The following LRGUK variants were observed in gnomAD, a reference collection of about 807,000 sequenced individuals.
LRGUK encodes the protein leucine-rich repeat and guanylate kinase domain-containing protein.
LRGUK carries 65 observed loss-of-function variants against 76.0 expected under a neutral mutation model. That is an observed-to-expected ratio of 0.85 (90% CI 0.70 to 1.05). LRGUK has a LOEUF of 1.05. Among genes scored for constraint, LRGUK ranks in the 50% least tolerant of loss-of-function variants. The probability of loss-of-function intolerance (pLI) is 0.00; values close to 1 mark genes in which losing one functional copy is unlikely to be tolerated. For synonymous variants in LRGUK, 268 were observed against 265.6 expected (o/e 1.01, Z -0.09); for missense variants, 758 against 732.8 (o/e 1.03, Z -0.40).
chr7:134,225,136 A>C lies in LRGUK; in HGVS notation c.1983+3218A>C, dbSNP rs546791652. On this transcript the variant is annotated intron_variant, in intron 16 of 19. Transcript: ENST00000285928. ...GGGGAACAGAACTGGAAAAAAAAAA[A>C]AAAAAAAAAAAAACCCACTCTGTGC... is the stretch of plus-strand genomic sequence containing the variant. 7.1e-4 allele frequency among the ~76,000 whole-genome samples: 107 copies of C among 150,900 alleles called. 1 individual carries two copies. Among genetic ancestry groups the C allele is most frequent in the South Asian group, 2.9e-3 (14 of 4,790 alleles).
chr7:134,273,821 C>T, the LRGUK span, among the ~76,000 whole-genome samples: 2 of 151,960 alleles, frequency 1.3e-5, no homozygotes, highest in African/African-American at 2.4e-5. Flanking sequence ...GTCTTTGTTA[C>T]ATTTTTATTC....
At chr7:134,262,322 C>T (rs1449122687) in intron 19 of LRGUK, among the ~76,000 whole-genome samples, 3 of 152,108 alleles carry the variant, frequency 2.0e-5, no homozygotes, top group African/African-American at 7.2e-5. Context: ...TGCAGTGAGC[C>T]AAGATTGTGC....
intron 10 of LRGUK, among the ~76,000 whole-genome samples, chr7:134,178,935 A>AAAAAAAAAAAACC (rs1554464254): frequency 1.6e-3 from 41 of 25,496 alleles, no homozygotes; most frequent in African/African-American, 4.9e-3. Flanking sequence ...TCAAAAAAAA[A>AAAAAAAAAAAACC]AAAAAAAAAA....
intron 18 of LRGUK, among the ~76,000 whole-genome samples, chr7:134,256,536 C>T (rs1407976652): frequency 6.6e-6 from 1 of 151,378 alleles, no homozygotes; most frequent in South Asian, 2.1e-4. Flanking sequence ...TTCTATCATT[C>T]CTGAAGTTTA....
At chr7:134,210,812 T>G (rs547897157), downstream of LRGUK, among the ~76,000 whole-genome samples, 103 of 152,012 alleles carry the variant, frequency 6.8e-4, no homozygotes, top group African/African-American at 2.5e-3. Flanking sequence ...TGCACTTGCT[T>G]CCAAGCAGCA....
chr7:134,146,015 G>A lies in LRGUK; in HGVS notation c.589-2223G>A, dbSNP rs554714322. On this transcript the variant is annotated intron_variant, in intron 4 of 15. Transcript: ENST00000645682. ...TGGCTGGGCACAGTGGCTGAGGCCT[G>A]TAATCCCAGCACTTTGGGAGGCTGA... is the stretch of plus-strand genomic sequence containing the variant. Among the ~76,000 whole-genome samples, 20 of 152,292 alleles carry A rather than the reference G, an allele frequency of 1.3e-4. No homozygotes were observed. The South Asian group carries it at 4.1e-3, about 32-fold the overall frequency.
the LRGUK span, among the ~76,000 whole-genome samples, chr7:134,276,421 C>T: frequency 6.6e-6 from 1 of 152,126 alleles, no homozygotes; most frequent in Non-Finnish European, 1.5e-5. Context: ...CGCTCTGTTT[C>T]TTCATCTGTT....
At chr7:134,161,840 G>A (rs1258287197) in intron 6 of LRGUK, among the ~76,000 whole-genome samples, 1 of 151,508 alleles carries the variant, frequency 6.6e-6, no homozygotes, top group Non-Finnish European at 1.5e-5. Flanking sequence ...ACAGGCACCC[G>A]CCACCACGCC....
chr7:134,188,909 GA>G (rs1043781420), intron 11 of LRGUK, among the ~76,000 whole-genome samples: 4 of 151,270 alleles, frequency 2.6e-5, no homozygotes, highest in East Asian at 1.9e-4. Flanking sequence ...GAATGACACA[GA>G]AAAAAAAATA....
chr7:134,272,544 G>C, the LRGUK span, among the ~76,000 whole-genome samples: 1 of 152,088 alleles, frequency 6.6e-6, no homozygotes, highest in African/African-American at 2.4e-5. Flanking sequence ...ATTATAATCA[G>C]ACAAAGTAGA....
At chr7:134,274,279 A>C in the LRGUK span, among the ~76,000 whole-genome samples, 1 of 152,190 alleles carries the variant, frequency 6.6e-6, no homozygotes, top group Non-Finnish European at 1.5e-5. Context: ...GTGCTTTTTG[A>C]CCCAACAGTG....
exon 8 of LRGUK, chr7:134,174,619 C>T: frequency 6.3e-7 from 1 of 1,595,170 alleles, no homozygotes; most frequent in Non-Finnish European, 8.6e-7. Flanking sequence ...TCTCAATCTT[C>T]TAGAAAATCC....
chr7:134,131,379 C>T (rs910378251), intron 1 of LRGUK, among the ~76,000 whole-genome samples: 4 of 152,096 alleles, frequency 2.6e-5, no homozygotes, highest in Admixed American at 1.3e-4. Flanking sequence ...GATAAGAATG[C>T]GAGTAAATCA....
At chr7:134,127,775 A>G (rs1240772201) in intron 1 of LRGUK, 111 bp downstream of exon 1, 6 of 1,249,398 alleles carry the variant, frequency 4.8e-6, no homozygotes, top group South Asian at 1.6e-5. Context: ...ACACCTTCTC[A>G]GGCTCTCTCG....
chr7:134,264,738 T>TA (rs1486105867), downstream of LRGUK: 1 of 152,232 alleles, frequency 6.6e-6, no homozygotes, highest in Non-Finnish European at 1.5e-5. Flanking sequence ...GGTATTCCGC[T>TA]AGTATGTCCC....
At chr7:134,213,769 A>C (rs1007639319), downstream of LRGUK, among the ~76,000 whole-genome samples, 1 of 152,172 alleles carries the variant, frequency 6.6e-6, no homozygotes, top group Non-Finnish European at 1.5e-5. Context: ...AGTGGAAAAG[A>C]GTATCAACAG....
At chr7:134,199,109 C>A (rs1800638498) in intron 13 of LRGUK, 111 bp from the exon 14 acceptor site, 4 of 731,694 alleles carry the variant, frequency 5.5e-6, no homozygotes, top group South Asian at 2.0e-5. Flanking sequence ...GAAATAAATT[C>A]TTCAATATAT....
intron 1 of LRGUK, among the ~76,000 whole-genome samples, chr7:134,129,029 A>G (rs1406602310): frequency 6.7e-6 from 1 of 149,032 alleles, no homozygotes; most frequent in Non-Finnish European, 1.5e-5. Context: ...TATAATATAG[A>G]GAAGTAGAAT....
chr7:134,147,452 T>A (rs1341582165), intron 4 of LRGUK, among the ~76,000 whole-genome samples: 4 of 139,778 alleles, frequency 2.9e-5, no homozygotes, highest in Non-Finnish European at 4.8e-5. Flanking sequence ...AAAAAAAAAA[T>A]TCTGGCATTT....
Sources: allele counts gnomAD v4.1 joint callset (sites outside exome capture counted in the v4.1 genomes callset), GRCh38; gene constraint gnomAD v4.1.1; transcripts MANE v1.5; gene names NCBI Gene and HGNC (gene_info 2026-07-23, HGNC 2026-07-21).